PPARG: variants seen among roughly 807,000 people sequenced by gnomAD.
PPARG encodes the protein peroxisome proliferator activated receptor gamma, also known as peroxisome proliferator-activated receptor gamma.
In PPARG, 17 loss-of-function variants were observed where a neutral mutation model predicts 39.2. The ratio of observed to expected loss-of-function variants is 0.43; its 90% CI spans 0.30 to 0.65. The LOEUF is 0.65. PPARG is among the 30% of genes least tolerant of loss of function. The pLI is 0.13. For missense variants in PPARG, 406 were observed against 585.9 expected, an observed-to-expected ratio of 0.69 and a Z score of 3.17; for synonymous variants, 223 against 215.7, an observed-to-expected ratio of 1.03 and a Z score of -0.30.
At chr3:12,399,459 T>A (rs1465187362) in intron 5 of PPARG, 1 of 453,350 alleles carries the variant, frequency 2.2e-6, no homozygotes, top group Non-Finnish European at 4.4e-6. Flanking sequence ...TGGTGGTGCA[T>A]GCCTGTGGTC....
chr3:12,433,607 C>T (rs1423664448), intron 7 of PPARG, among the ~76,000 whole-genome samples: 1 of 151,650 alleles, frequency 6.6e-6, no homozygotes, highest in Non-Finnish European at 1.5e-5. Context: ...GAGGAAACTT[C>T]ATTTGGGGAA....
intron 7 of PPARG, among the ~76,000 whole-genome samples, chr3:12,417,884 TTTTCTTTTTTTTTTTTCC>T (rs2051119367): frequency 7.5e-6 from 1 of 133,552 alleles, no homozygotes; most frequent in Admixed American, 8.2e-5. Flanking sequence ...TTTCTTTTTT[TTTTCTTTTTTTTTTTTCC>T]TTTTTTTTTT....
intron 2 of PPARG, among the ~76,000 whole-genome samples, chr3:12,347,328 T>G (rs1043685865): frequency 6.6e-6 from 1 of 152,198 alleles, no homozygotes; most frequent in African/African-American, 2.4e-5. Flanking sequence ...AAAAATTTTT[T>G]TAATTTAAAA....
chr3:12,417,432 C>T (rs574504098), intron 7 of PPARG, among the ~76,000 whole-genome samples: 1 of 152,090 alleles, frequency 6.6e-6, no homozygotes, highest in African/African-American at 2.4e-5. Flanking sequence ...TTTTTCTTTT[C>T]TTTTCTTTGT....
intron 1 of PPARG, among the ~76,000 whole-genome samples, chr3:12,309,385 T>A (rs551322216): frequency 2.6e-5 from 4 of 152,326 alleles, no homozygotes; most frequent in Non-Finnish European, 5.9e-5. Flanking sequence ...TCTTTGCCTT[T>A]CTGAGATAAA....
At position 12,406,532 on chromosome 3, in the gene PPARG, CTTTTT is replaced by C. The variant is rs10540594; in HGVS notation, c.729+472_729+476del. On this transcript the variant is annotated intron_variant, in intron 6 of 7. Transcript: ENST00000651735. ...TTCAGGAGAACTACCAGAGTTACCT[CTTTTT>C]TTTTTTTTTTTTTTTTTTTTGAGAT... 501 of 60,492 alleles carry C rather than the reference CTTTTT, an allele frequency of 8.3e-3. 7 individuals carry two copies. Among genetic ancestry groups the C allele is most frequent in the African/African-American group, 0.024 (437 of 17,846 alleles). 3.7% of individuals were successfully genotyped at this position (60,492 alleles called of 1,614,324 possible).
intron 4 of PPARG, among the ~76,000 whole-genome samples, chr3:12,390,086 G>A (rs1462525043): frequency 6.6e-6 from 1 of 152,146 alleles, no homozygotes; most frequent in Non-Finnish European, 1.5e-5. Context: ...GGAAAAGACA[G>A]TTAGAAACTG....
chr3:12,321,210 T>G (rs2125020580), intron 2 of PPARG, among the ~76,000 whole-genome samples: 1 of 152,328 alleles, frequency 6.6e-6, no homozygotes, highest in East Asian at 1.9e-4. Context: ...GTTCATGGCC[T>G]TCTGAAGATC....
chr3:12,429,987 T>C (rs887885411), intron 7 of PPARG, among the ~76,000 whole-genome samples: 1 of 152,238 alleles, frequency 6.6e-6, no homozygotes, highest in African/African-American at 2.4e-5. Context: ...ATGGGATATG[T>C]TGGAGACCTG....
At chr3:12,334,233 C>CTTTTT (rs1156995055) in intron 2 of PPARG, among the ~76,000 whole-genome samples, 1 of 144,346 alleles carries the variant, frequency 6.9e-6, no homozygotes. Context: ...TTCTTTTTTT[C>CTTTTT]TTTTTTTTTT....
At chr3:12,378,965 G>A (rs1474399038) in intron 2 of PPARG, among the ~76,000 whole-genome samples, 2 of 151,944 alleles carry the variant, frequency 1.3e-5, no homozygotes, top group African/African-American at 4.8e-5. Flanking sequence ...TACCTTAAGT[G>A]TTTTGTTTGT....
At chr3:12,431,934 A>G in intron 7 of PPARG, among the ~76,000 whole-genome samples, 1 of 150,696 alleles carries the variant, frequency 6.6e-6, no homozygotes, top group East Asian at 1.9e-4. Flanking sequence ...CTCTGTCACA[A>G]AAAAAAAAGC....
intron 1 of PPARG, among the ~76,000 whole-genome samples, chr3:12,295,459 T>C (rs1244052884): frequency 6.6e-6 from 1 of 152,196 alleles, no homozygotes; most frequent in Non-Finnish European, 1.5e-5. Flanking sequence ...CTGATTTTAT[T>C]TAAAAGCAAT....
upstream of PPARG, among the ~76,000 whole-genome samples, chr3:12,288,415 G>C (rs1460314968): frequency 1.3e-5 from 2 of 151,838 alleles, no homozygotes; most frequent in African/African-American, 4.8e-5. Flanking sequence ...CGGCTTCCAG[G>C]ACAGCCCCCC....
chr3:12,382,736 A>G (rs930249679), intron 4 of PPARG, among the ~76,000 whole-genome samples: 7 of 152,278 alleles, frequency 4.6e-5, no homozygotes, highest in Admixed American at 2.6e-4. Context: ...TTGGGAGGCC[A>G]AGGCAGGAGG....
chr3:12,310,961 T>G (rs1001274726), intron 1 of PPARG, among the ~76,000 whole-genome samples: 2 of 152,172 alleles, frequency 1.3e-5, no homozygotes, highest in Admixed American at 1.3e-4. Flanking sequence ...TGTAAATTGC[T>G]GTGATACTGG....
At chr3:12,321,095 T>C (rs2047528541) in intron 2 of PPARG, among the ~76,000 whole-genome samples, 1 of 152,220 alleles carries the variant, frequency 6.6e-6, no homozygotes, top group Non-Finnish European at 1.5e-5. Flanking sequence ...ATCAGTACCC[T>C]ACCACATATT....
At chr3:12,348,963 A>G (rs150234328) in intron 2 of PPARG, among the ~76,000 whole-genome samples, 1 of 152,352 alleles carries the variant, frequency 6.6e-6, no homozygotes, top group African/African-American at 2.4e-5. Context: ...CTTTGAAGAT[A>G]GGGATAGTCA....
intron 5 of PPARG, among the ~76,000 whole-genome samples, chr3:12,396,989 C>G (rs1370967653): frequency 6.6e-6 from 1 of 152,006 alleles, no homozygotes; most frequent in Non-Finnish European, 1.5e-5. Flanking sequence ...TGCCACTGCA[C>G]CTGACCTATT....
Sources: gnomAD v4.1 joint callset for allele counts (sites outside exome capture counted in the v4.1 genomes callset) on GRCh38, gnomAD v4.1.1 for gene constraint, MANE v1.5 for transcripts, NCBI Gene and HGNC (gene_info 2026-07-23, HGNC 2026-07-21) for gene names.